Variants in GAS2L1 observed in about 807,000 individuals in gnomAD.
GAS2L1 encodes the protein GAS2-like protein 1.
Under a neutral mutation model 44.0 loss-of-function variants are expected in GAS2L1, and 26 were observed. The ratio of observed to expected loss-of-function variants is 0.59; its 90% CI spans 0.43 to 0.82. The LOEUF (loss-of-function observed/expected upper bound fraction) is 0.82, where lower values mean the gene tolerates loss of function less well. Among genes scored for constraint, GAS2L1 ranks in the 40% least tolerant of loss-of-function variants. The pLI is 0.00. For missense variants in GAS2L1, 1,006 were observed against 983.0 expected, an observed-to-expected ratio of 1.02 and a Z score of -0.31; for synonymous variants, 426 against 415.9, an observed-to-expected ratio of 1.02 and a Z score of -0.30.
Position 29,311,769 on chromosome 22 carries a change from G to C in GAS2L1, c.1318G>C (p.Glu440Gln), listed in dbSNP as rs375526226. The C allele has an allele frequency of 5.2e-5, 81 of 1,546,236 alleles. No individual in the cohort carries two copies. The African/African-American group carries it at 7.5e-4, about 14-fold the overall frequency. Residue 440 changes from glutamate to glutamine, a missense_variant, in exon 5 of 5, where the codon GAG becomes CAG. Transcript: ENST00000618518. ...CCGGCGGGCCCGGAGCCAGAGCCGC[G>C]AGGAGCAGGCTGTGCTGCTTGTGCG...
At chr22:29,310,844 C>T (rs1318724940) in exon 4 of GAS2L1, 1 of 1,610,904 alleles carries the variant, frequency 6.2e-7, no homozygotes, top group African/African-American at 1.3e-5. Context: ...CCCACCCCAG[C>T]CGAGGGTCTG....
chr22:29,308,023 C>T (rs2061365307), exon 1 of GAS2L1: 1 of 1,175,206 alleles, frequency 8.5e-7, no homozygotes, highest in African/African-American at 1.6e-5. Context: ...TGGCCAGCAG[C>T]TTAATTTGTA....
chr22:29,308,602 G>T, exon 1 of GAS2L1: 2 of 1,597,066 alleles, frequency 1.3e-6, no homozygotes, highest in Non-Finnish European at 1.7e-6. Context: ...GAGATTGAGC[G>T]GGAGCTGCGT....
chr22:29,311,899 C>T lies in GAS2L1; in HGVS notation c.1448C>T (p.Pro483Leu), dbSNP rs761885128. The change falls in exon 5 of 5, where the codon CCC becomes CTC. Residue 483 changes from proline (P) to leucine (L), a missense_variant. Pro to Leu is a moderately conservative substitution (Grantham distance 98). Transcript: ENST00000618518. ...CCCCGTGCCCGCAGCCCTGCAGCAC[C>T]CCGGCTTTCCCGGGTCTCCAGCCCC... 22 of 1,601,018 alleles carry T rather than the reference C, an allele frequency of 1.4e-5. No individual in the cohort carries two copies. The Admixed American group carries it at 3.3e-4, about 24-fold the overall frequency.
exon 5 of GAS2L1, chr22:29,311,790 G>C (rs1334127105): frequency 1.3e-6 from 2 of 1,571,526 alleles, no homozygotes; most frequent in African/African-American, 1.3e-5. Flanking sequence ...TGTGCTGCTT[G>C]TGCGCAGGGA....
In GAS2L1 at chr22:29,312,010, G is replaced by A. The variant is rs1017971326; in HGVS notation, c.1559G>A (p.Arg520His). 5.0e-6 allele frequency: 8 copies of A among 1,611,808 alleles called. No homozygotes were observed. In the African/African-American group the frequency reaches 9.3e-5, roughly 19 times the overall value. ...CAGCAGGAGCAGCAGCTGTTCCGGC[G>A]CCTGGAAGAGGAGTTCCTGGCCAAT... The change falls in exon 5 of 5, where the codon CGC (arginine) becomes CAC (histidine). Residue 520 changes from arginine to histidine, a missense_variant. Coordinates refer to ENST00000618518, the Ensembl canonical transcript of GAS2L1.
At chr22:29,311,118 G>A (rs2061400705) in intron 4 of GAS2L1, 120 bp downstream of exon 5, 8 of 975,352 alleles carry the variant, frequency 8.2e-6, no homozygotes, top group African/African-American at 1.6e-5. Context: ...GTTCCCGTGG[G>A]TGGGGGCGGG....
At chr22:29,312,498 T>G (rs1483839037) in exon 5 of GAS2L1, 1 of 1,506,020 alleles carries the variant, frequency 6.6e-7, no homozygotes, top group Non-Finnish European at 8.9e-7. Flanking sequence ...CTGGATGTGA[T>G]GGACCAGCTC....
intron 4 of GAS2L1, 197 bp from the exon 6 acceptor site, chr22:29,311,265 A>G (rs2061402453): frequency 8.7e-6 from 5 of 573,856 alleles, no homozygotes; most frequent in Non-Finnish European, 1.5e-5. Context: ...AGCCCAGGAA[A>G]CTTCTTCTTC....
exon 1 of GAS2L1, chr22:29,308,610 C>T (rs1229388258): frequency 1.3e-6 from 2 of 1,592,872 alleles, no homozygotes; most frequent in Non-Finnish European, 1.7e-6. Context: ...GCGGGAGCTG[C>T]GTGCTGCACC....
rs1465163586 is a variant in GAS2L1, at chr22:29,311,837, G to GA, written c.1386_1387insA (p.Gly463ArgfsTer71). ...AGCACTCATGGGTGCCAAGGGGCAG[G>GA]GGCAGTGGGGGCTCGGGCAGGAGCA... On this transcript the variant is annotated frameshift_variant, in exon 5 of 5. Coordinates refer to ENST00000618518, the Ensembl canonical transcript of GAS2L1. LOFTEE classifies it high-confidence loss of function. 2 of 1,592,758 alleles carry GA rather than the reference G, an allele frequency of 1.3e-6. No individual in the cohort carries two copies. The highest frequency in any genetic ancestry group is 1.7e-6 in the Non-Finnish European group (2 of 1,177,106).
rs748567975 is a variant in GAS2L1 at position 29,310,563 on chromosome 22, G to A, written c.741+17G>A. ...TTTGTGCGGGTAAGGGCCTGGGGCC[G>A]CCCCAGCGGGCAGCAGCCAAGGTGG... On this transcript the variant is annotated intron_variant, in intron 2 of 4. Transcript: ENST00000618518. 1.1e-5 allele frequency: 18 copies of A among 1,586,572 alleles called. No homozygotes were observed. Among genetic ancestry groups the A allele is most frequent in the Admixed American group, 6.7e-5 (4 of 59,948 alleles).
In GAS2L1 at chr22:29,308,439, G is replaced by T. The variant is rs764843628; in HGVS notation, c.334G>T (p.Val112Leu). The T allele has an allele frequency of 1.9e-6, 3 of 1,605,172 alleles. No individual in the cohort carries two copies. In the Admixed American group the frequency reaches 5.0e-5, roughly 27 times the overall value. Residue 112 changes from valine to leucine, a missense_variant, in exon 1 of 5, where the codon GTG becomes TTG. By Grantham distance (32) the Val-to-Leu change is conservative. Transcript: ENST00000618518. ...GGCCACCTTCATCGGCTGGTGCCGCGTGGAGCTGGGTGTGCCGGAGGTGCT... is the reference window on the plus strand; with the variant it reads ...GGCCACCTTCATCGGCTGGTGCCGCTTGGAGCTGGGTGTGCCGGAGGTGCT...
rs760284423 is a variant in GAS2L1, at chr22:29,310,501, G to A, written c.696G>A (p.Glu232=). 2.5e-6 allele frequency: 4 copies of A among 1,612,580 alleles called. No homozygotes were observed. In the African/African-American group the frequency reaches 4.0e-5, roughly 16 times the overall value. The change falls in exon 2 of 5, where the codon GAG becomes GAA. Residue 232 remains glutamate (E), a synonymous_variant. Coordinates refer to ENST00000618518, the Ensembl canonical transcript of GAS2L1. ...AGTTTCCCATGATCAAGGTCTCAGA[G>A]GGGAAGTACCGTGTGGGGGACTCGA... is the stretch of plus-strand genomic sequence containing the variant.
Position 29,308,077 on chromosome 22 carries a change from C to G in GAS2L1, c.-29C>G. On this transcript the variant is annotated 5_prime_UTR_variant, in exon 1 of 5. Transcript: ENST00000618518. The stretch of plus-strand genomic sequence containing the variant: ...CCCACAGCGATCCTGAACTGTGTTC[C>G]TGCCCACAGTGACTCGGCCGGTCCG... 6.6e-7 allele frequency: 1 copy of G among 1,520,946 alleles called. No individual in the cohort carries two copies. The highest frequency in any genetic ancestry group is 8.8e-7 in the Non-Finnish European group (1 of 1,131,936). 94.2% of individuals were successfully genotyped at this position (1,520,946 alleles called of 1,614,324 possible).
exon 1 of GAS2L1, chr22:29,308,250 G>A (rs2061368198): frequency 6.2e-7 from 1 of 1,609,000 alleles, no homozygotes; most frequent in African/African-American, 1.3e-5. Context: ...CCCGGGTGGT[G>A]GCGATGGCTT....
chr22:29,310,595 G>C (rs1475981622), intron 2 of GAS2L1, 43 bp from the exon 4 acceptor site: 1 of 1,584,414 alleles, frequency 6.3e-7, no homozygotes, highest in South Asian at 1.1e-5. Context: ...GTGGTGGGCT[G>C]CGGGGCGCCC....
chr22:29,307,948 C>T, exon 1 of GAS2L1: 1 of 509,030 alleles, frequency 2.0e-6, no homozygotes, highest in South Asian at 5.2e-5. Context: ...AAACTTGGGG[C>T]ACCGACATTT....
chr22:29,310,431 G>C lies in GAS2L1; in HGVS notation c.634-8G>C. ...CCTCTGACCCCTACCCTCTCTCTCT[G>C]GCCTCAGGTGAGGGAGATTCTGGGC... On this transcript the variant is annotated splice_region_variant and splice_polypyrimidine_tract_variant and intron_variant, in intron 1 of 4. Transcript: ENST00000618518. 1 of 1,515,548 alleles carries C rather than the reference G, an allele frequency of 6.6e-7. No homozygotes were observed. The highest frequency in any genetic ancestry group is 9.2e-7 in the Non-Finnish European group (1 of 1,090,890). The allele number at this position is 1,515,548 out of a possible 1,614,324, so 93.9% of individuals were successfully genotyped here. A position where few individuals can be genotyped will look rare whatever the true frequency, so the allele number is the denominator to read the frequency against.
Sources: allele counts gnomAD v4.1 joint callset, GRCh38; gene constraint gnomAD v4.1.1; transcripts MANE v1.5; gene names NCBI Gene and HGNC (gene_info 2026-07-23, HGNC 2026-07-21).